SIMC1: variants seen among roughly 807,000 people sequenced by gnomAD.
SIMC1 encodes SUMO-interacting motif-containing protein 1.
SIMC1 carries 55 observed loss-of-function variants against 82.3 expected under a neutral mutation model. The ratio of observed to expected loss-of-function variants is 0.67; its 90% CI spans 0.54 to 0.84. SIMC1 has a LOEUF of 0.84. SIMC1 is among the 40% of genes least tolerant of loss of function. The probability of loss-of-function intolerance (pLI) is 0.00; values close to 1 mark genes in which losing one functional copy is unlikely to be tolerated. For synonymous variants in SIMC1, 353 were observed against 426.3 expected (o/e 0.83, Z 2.12); for missense variants, 915 against 1,107.2 (o/e 0.83, Z 2.46).
At chr5:176,278,890 A>G (rs1373291095) in intron 1 of SIMC1, among the ~76,000 whole-genome samples, 6 of 151,200 alleles carry the variant, frequency 4.0e-5, no homozygotes, top group Admixed American at 1.3e-4. Flanking sequence ...ATGTTCATCA[A>G]GGATATTGGT....
rs775930711 is a variant in SIMC1 at position 176,313,775 on chromosome 5, C to A, written c.1819C>A (p.Gln607Lys). ...EDDFQQTLRR[Q>K]RQHLQQSIAN... ...TGACTTTCAGCAGACCCTGAGGAGGCAACGGCAGCACCTGCAGCAATCCAT... is the reference window on the plus strand; with the variant it reads ...TGACTTTCAGCAGACCCTGAGGAGGAAACGGCAGCACCTGCAGCAATCCAT... Residue 607 changes from glutamine to lysine, a missense_variant, in exon 5 of 10, where the codon CAA becomes AAA. Transcript: ENST00000429602. 7 of 1,613,888 alleles carry A rather than the reference C, an allele frequency of 4.3e-6. No individual in the cohort carries two copies. The South Asian group carries it at 7.7e-5, about 18-fold the overall frequency.
chr5:176,320,032 C>A (rs1239295368), intron 5 of SIMC1, among the ~76,000 whole-genome samples: 1 of 152,196 alleles, frequency 6.6e-6, no homozygotes, highest in East Asian at 1.9e-4. Flanking sequence ...GAGTCAAGGT[C>A]TTTCCTCTTG....
At chr5:176,337,335 C>T (rs909533753) in intron 9 of SIMC1, among the ~76,000 whole-genome samples, 189 bp downstream of exon 9, 10 of 152,132 alleles carry the variant, frequency 6.6e-5, no homozygotes, top group Non-Finnish European at 1.2e-4. Flanking sequence ...TTGTTATGGC[C>T]GACAATACAT....
intron 1 of SIMC1, among the ~76,000 whole-genome samples, chr5:176,252,323 G>T (rs1761697429): frequency 6.6e-6 from 1 of 151,562 alleles, no homozygotes; most frequent in African/African-American, 2.4e-5. Context: ...TCCGGGCAGA[G>T]ACGCTCCTCA....
intron 1 of SIMC1, among the ~76,000 whole-genome samples, chr5:176,253,786 G>A (rs1333386801): frequency 1.3e-5 from 2 of 152,146 alleles, no homozygotes; most frequent in East Asian, 1.9e-4. Flanking sequence ...TAGTTTGGCA[G>A]AATTTTAACA....
chr5:176,266,631 C>T (rs1325940036), intron 1 of SIMC1, among the ~76,000 whole-genome samples: 3 of 114,094 alleles, frequency 2.6e-5, no homozygotes, highest in African/African-American at 1.2e-4. Context: ...TGCAAAGAAA[C>T]AGAAGTGTGA....
chr5:176,306,288 T>TG (rs1162850305), intron 4 of SIMC1, among the ~76,000 whole-genome samples: 6 of 99,504 alleles, frequency 6.0e-5, no homozygotes, highest in East Asian at 6.8e-4. Context: ...GGGAGGGAGG[T>TG]GGGGGGGTCA....
intron 1 of SIMC1, among the ~76,000 whole-genome samples, chr5:176,277,403 G>A (rs901729012): frequency 6.6e-6 from 1 of 151,848 alleles, no homozygotes; most frequent in East Asian, 1.9e-4. Context: ...TAGGTTGCCT[G>A]TTCACTCTGA....
chr5:176,275,456 C>T (rs1762644956), intron 1 of SIMC1, among the ~76,000 whole-genome samples: 1 of 151,738 alleles, frequency 6.6e-6, no homozygotes, highest in East Asian at 1.9e-4. Context: ...TAATTGAATA[C>T]CCTTTATTTC....
chr5:176,309,265 A>G (rs920758861), intron 4 of SIMC1, among the ~76,000 whole-genome samples: 7 of 152,360 alleles, frequency 4.6e-5, no homozygotes, highest in South Asian at 4.1e-4. Context: ...AAGCAATTCA[A>G]TGGAGGAAGA....
At chr5:176,277,069 G>A (rs1314236717) in intron 1 of SIMC1, among the ~76,000 whole-genome samples, 3 of 151,818 alleles carry the variant, frequency 2.0e-5, no homozygotes, top group South Asian at 2.1e-4. Context: ...CACCAACAGT[G>A]TAAAAGTGTT....
Position 176,257,814 on chromosome 5 carries a change from AT to A in SIMC1, c.129+19179del, listed in dbSNP as rs575481388. On this transcript the variant is annotated intron_variant, in intron 1 of 9. Coordinates refer to ENST00000429602, the MANE Select transcript of SIMC1 (RefSeq NM_001308195.2). The stretch of plus-strand genomic sequence containing the variant: ...TTAGATTGTTTCTTTGGGCCGTATA[AT>A]TATTTGTTGCATGGGGTTGTCCTAT... Among the ~76,000 whole-genome samples the A allele has an allele frequency of 2.7e-4, 41 of 152,212 alleles. No homozygotes were observed. In the South Asian group the frequency reaches 8.3e-3, roughly 31 times the overall value.
At chr5:176,320,331 TTTTATTTATTTATTTATTTATTTATTTA>T (rs71299779) in intron 5 of SIMC1, among the ~76,000 whole-genome samples, 2 of 140,314 alleles carry the variant, frequency 1.4e-5, no homozygotes, top group South Asian at 4.6e-4. Flanking sequence ...AGCCATCCTA[TTTTATTTATTTATTTATTTATTTATTTA>T]TTTATTTATT....
At chr5:176,325,428 G>A (rs1435842698) in intron 7 of SIMC1, among the ~76,000 whole-genome samples, 3 of 151,126 alleles carry the variant, frequency 2.0e-5, no homozygotes, top group Non-Finnish European at 4.4e-5. Flanking sequence ...GCTCACACCT[G>A]TAATCCCAGC....
intron 1 of SIMC1, among the ~76,000 whole-genome samples, chr5:176,272,263 C>T (rs1432717434): frequency 6.6e-6 from 1 of 150,534 alleles, no homozygotes; most frequent in African/African-American, 2.4e-5. Flanking sequence ...TAGGATCACT[C>T]CACTGCACTC....
At position 176,290,168 on chromosome 5, in the gene SIMC1, C is replaced by T; in HGVS notation, c.644C>T (p.Pro215Leu). The T allele has an allele frequency of 6.2e-7, 1 of 1,612,078 alleles. No individual in the cohort carries two copies. Among genetic ancestry groups the T allele is most frequent in the Non-Finnish European group, 8.5e-7 (1 of 1,179,126 alleles). ...TGCCCACAGCAAGATGTATCTCGCC[C>T]ACCACAGGCCTTGCCGTGCCCCCTG... ...LPCPQQDVSR[P>L]PQALPCPLRP... is the part of the protein sequence containing the mutation. The change falls in exon 2 of 10, where the codon CCA becomes CTA. Residue 215 changes from proline (P) to leucine (L), a missense_variant. Pro to Leu is a moderately conservative substitution (Grantham distance 98). Around this residue, in one of 2 missense-constraint regions of SIMC1, gnomAD observed 902 missense variants for 1,040.3 expected, o/e 0.87. Coordinates refer to ENST00000429602, the MANE Select transcript of SIMC1 (RefSeq NM_001308195.2).
intron 1 of SIMC1, among the ~76,000 whole-genome samples, chr5:176,268,904 G>A (rs1341766950): frequency 2.0e-5 from 3 of 152,144 alleles, no homozygotes; most frequent in Non-Finnish European, 4.4e-5. Context: ...ATTCACCAGG[G>A]TAGGCTGTGT....
intron 1 of SIMC1, among the ~76,000 whole-genome samples, chr5:176,249,642 C>T (rs1418155978): frequency 2.0e-5 from 3 of 151,762 alleles, no homozygotes; most frequent in Admixed American, 2.0e-4. Context: ...AGATCGAGAC[C>T]ATCCTGGCTA....
At chr5:176,305,518 C>G (rs1204549569) in intron 4 of SIMC1, among the ~76,000 whole-genome samples, 1 of 131,172 alleles carries the variant, frequency 7.6e-6, no homozygotes, top group Non-Finnish European at 1.7e-5. Context: ...GCCACCCCGT[C>G]TGGGAGGGAG....
Sources: allele counts gnomAD v4.1 joint callset (sites outside exome capture counted in the v4.1 genomes callset), GRCh38; gene constraint gnomAD v4.1.1; regional missense constraint gnomAD v4.1.1; transcripts MANE v1.5; gene names NCBI Gene and HGNC (gene_info 2026-07-23, HGNC 2026-07-21).